The following JAKMIP1 variants were observed in gnomAD, a reference collection of about 807,000 sequenced individuals.
JAKMIP1 encodes janus kinase and microtubule interacting protein 1.
A neutral mutation model predicts 113.0 loss-of-function variants in JAKMIP1; 33 were observed. The observed-to-expected ratio is 0.29, with a 90% CI of 0.22 to 0.39. JAKMIP1 has a LOEUF of 0.39. Among genes scored for constraint, JAKMIP1 ranks in the 10% least tolerant of loss-of-function variants. The pLI, the probability that JAKMIP1 is intolerant of heterozygous loss-of-function variation, is 1.00. For missense variants in JAKMIP1, 813 were observed against 1,080.5 expected (o/e 0.75, Z 3.47); for synonymous variants, 480 against 459.9 (o/e 1.04, Z -0.56).
Position 6,080,259 on chromosome 4 carries a change from G to A in JAKMIP1, c.1155C>T (p.Asp385=). The A allele has an allele frequency of 1.9e-6, 3 of 1,614,222 alleles. No individual in the cohort carries two copies. The highest frequency in any genetic ancestry group is 2.5e-6 in the Non-Finnish European group (3 of 1,180,036). ...CCTGCTCATCCCTCGTCAGGCTGAG[G>A]TCATTCAAGGAGGTATGCCGCTTCA... is the stretch of plus-strand genomic sequence containing the variant. ...ASLKRHTSLN[D]LSLTRDEQEI... The change falls in exon 7 of 21, where the codon GAC becomes GAT. Residue 385 remains aspartate (D), a synonymous_variant. Coordinates refer to ENST00000409021, the MANE Select transcript of JAKMIP1 (RefSeq NM_001099433.2). The surrounding 1 kb of genome is among the most constrained non-coding windows in gnomAD (Gnocchi z 6.0).
chr4:6,177,057 G>A (rs998502344), intron 1 of JAKMIP1, among the ~76,000 whole-genome samples: 1 of 152,018 alleles, frequency 6.6e-6, no homozygotes, highest in African/African-American at 2.4e-5. Flanking sequence ...TTAAATGATC[G>A]GAAAGGTACA....
chr4:6,122,896 T>C (rs1716908246), intron 1 of JAKMIP1, among the ~76,000 whole-genome samples: 1 of 152,222 alleles, frequency 6.6e-6, no homozygotes, highest in African/African-American at 2.4e-5. Context: ...AAAATGAGGC[T>C]AGTAATAATT....
intron 1 of JAKMIP1, among the ~76,000 whole-genome samples, chr4:6,160,743 C>T (rs73075459): frequency 0.069 from 10,561 of 152,164 alleles, 808 homozygotes; most frequent in African/African-American, 0.19. Context: ...GGTCTCCACC[C>T]GTCGTCTGAA....
Position 6,140,789 on chromosome 4 carries a change from G to A in JAKMIP1, c.-147-27792C>T, listed in dbSNP as rs952743128. Among the ~76,000 whole-genome samples, 3 of 152,170 alleles carry A rather than the reference G, an allele frequency of 2.0e-5. No homozygotes were observed. The highest frequency in any genetic ancestry group is 2.0e-4 in the Admixed American group (3 of 15,290). On this transcript the variant is annotated intron_variant, in intron 1 of 20. Coordinates refer to ENST00000409021, the MANE Select transcript of JAKMIP1 (RefSeq NM_001099433.2). The surrounding 1 kb of genome is among the most constrained non-coding windows in gnomAD (Gnocchi z 9.4). Reference sequence around the variant, plus strand: ...TCATCCTTTGGGCAATAAGAAAGATGCAATTAAGTAGGCAATTGTAATAAA... The same window carrying A: ...TCATCCTTTGGGCAATAAGAAAGATACAATTAAGTAGGCAATTGTAATAAA...
intron 1 of JAKMIP1, among the ~76,000 whole-genome samples, chr4:6,196,269 C>T (rs918027106): frequency 6.6e-5 from 10 of 152,158 alleles, no homozygotes; most frequent in East Asian, 1.9e-4. Context: ...TCCCTGCAAG[C>T]GCTCCTGCGT....
At chr4:6,151,766 A>C (rs1217712238) in intron 1 of JAKMIP1, among the ~76,000 whole-genome samples, 1 of 152,256 alleles carries the variant, frequency 6.6e-6, no homozygotes, top group African/African-American at 2.4e-5. Flanking sequence ...ATGGAGTGAG[A>C]CCTTAGGCCA....
At chr4:6,060,548 A>C in intron 10 of JAKMIP1, 41 bp from the exon 11 acceptor site, 8 of 1,426,116 alleles carry the variant, frequency 5.6e-6, no homozygotes, top group Non-Finnish European at 7.9e-6. Flanking sequence ...GTCACCTCCA[A>C]TGGGTGACAG....
chr4:6,168,407 G>A lies in JAKMIP1; in HGVS notation c.-148+31846C>T, dbSNP rs1165536992. Among the ~76,000 whole-genome samples the A allele has an allele frequency of 6.6e-6, 1 of 152,236 alleles. No individual in the cohort carries two copies. The highest frequency in any genetic ancestry group is 1.5e-5 in the Non-Finnish European group (1 of 68,040). On this transcript the variant is annotated intron_variant, in intron 1 of 20. Transcript: ENST00000409021. The surrounding 1 kb of genome is among the most constrained non-coding windows in gnomAD (Gnocchi z 4.6). ...ACAACCCAAATGTGCATCAGTTACA[G>A]ATGGATAAACAAAATGTGGTCTATG... is the stretch of plus-strand genomic sequence containing the variant.
Position 6,126,578 on chromosome 4 carries a change from GCACACACACCATGCAGAAA to G in JAKMIP1, c.-147-13600_-147-13582del, listed in dbSNP as rs1319472560. Among the ~76,000 whole-genome samples the G allele has an allele frequency of 8.0e-4, 81 of 101,592 alleles. No individual in the cohort carries two copies. In the South Asian group the frequency reaches 0.024, roughly 30 times the overall value. 66.6% of individuals were successfully genotyped at this position (101,592 alleles called of 152,430 possible). A position where few individuals can be genotyped will look rare whatever the true frequency, so the allele number is the denominator to read the frequency against. On this transcript the variant is annotated intron_variant, in intron 1 of 20. Coordinates refer to ENST00000409021, the MANE Select transcript of JAKMIP1 (RefSeq NM_001099433.2). ...ACACACCATGCAGAAACACTCACAC[GCACACACACCATGCAGAAA>G]CACACACACCATGCAGAAACACACA...
intron 1 of JAKMIP1, among the ~76,000 whole-genome samples, chr4:6,165,187 C>T (rs1343410553): frequency 6.6e-6 from 1 of 152,224 alleles, no homozygotes; most frequent in African/African-American, 2.4e-5. Flanking sequence ...GATCAGTCAA[C>T]AGCCATTAAC....
At position 6,062,337 on chromosome 4, in the gene JAKMIP1, G is replaced by A. The variant is rs767418893; in HGVS notation, c.1535C>T (p.Thr512Met). Reference sequence around the variant, plus strand: ...CCGGGCCTCCCTCTCAGCGTCCAGCGTGCCTCCCACCTGCTCCTGGAGCAG... The same window carrying A: ...CCGGGCCTCCCTCTCAGCGTCCAGCATGCCTCCCACCTGCTCCTGGAGCAG... ...YALLQEQVGG[T>M]LDAEREARTR... Residue 512 changes from threonine (T) to methionine (M), a missense_variant, in exon 10 of 21, where the codon ACG becomes ATG. Around this residue, in one of 2 missense-constraint regions of JAKMIP1, gnomAD observed 273 missense variants for 426.6 expected, o/e 0.64. Coordinates refer to ENST00000409021, the MANE Select transcript of JAKMIP1 (RefSeq NM_001099433.2). 2.5e-5 allele frequency: 41 copies of A among 1,613,194 alleles called. No individual in the cohort carries two copies. Among genetic ancestry groups the A allele is most frequent in the Middle Eastern group, 3.5e-4 (2 of 5,782 alleles).
intron 20 of JAKMIP1, among the ~76,000 whole-genome samples, chr4:6,028,584 C>T (rs1712168224): frequency 6.6e-6 from 1 of 152,190 alleles, no homozygotes; most frequent in South Asian, 2.1e-4. Context: ...TTTGGACAGC[C>T]CTGGAATCTG....
In JAKMIP1 at chr4:6,051,182, G is replaced by A. The variant is rs1172762822; in HGVS notation, c.1807-503C>T. Among the ~76,000 whole-genome samples, 3 of 152,130 alleles carry A rather than the reference G, an allele frequency of 2.0e-5. No individual in the cohort carries two copies. The highest frequency in any genetic ancestry group is 1.9e-4 in the East Asian group (1 of 5,172). ...TGAGGTCCCACGCTAGCAAGCGGCAGGGCCAGGACCCCAAAGGCTGACTTT... is the reference window on the plus strand; with the variant it reads ...TGAGGTCCCACGCTAGCAAGCGGCAAGGCCAGGACCCCAAAGGCTGACTTT... On this transcript the variant is annotated intron_variant, in intron 13 of 20. Coordinates refer to ENST00000409021, the MANE Select transcript of JAKMIP1 (RefSeq NM_001099433.2). The surrounding 1 kb of genome is among the most constrained non-coding windows in gnomAD (Gnocchi z 5.0).
rs1718368326 is a variant in JAKMIP1 at position 6,067,750 on chromosome 4, G to GCACACA, written c.1303-2743_1303-2742insTGTGTG. ...CGTTCACTCAAGCTCTTCTGCACAC[G>GCACACA]CAGGTCACCCCCCTGAGCTCCACGT... On this transcript the variant is annotated intron_variant, in intron 8 of 20. Coordinates refer to ENST00000409021, the MANE Select transcript of JAKMIP1 (RefSeq NM_001099433.2). This position sits in a 1 kb window ranked among gnomAD's most constrained non-coding sequence, Gnocchi z 4.6. Among the ~76,000 whole-genome samples the GCACACA allele has an allele frequency of 4.2e-5, 3 of 71,464 alleles. No homozygotes were observed. The highest frequency in any genetic ancestry group is 2.8e-4 in the Admixed American group (2 of 7,262). The allele number at this position is 71,464 out of a possible 152,430, so 46.9% of individuals were successfully genotyped here. A position where few individuals can be genotyped will look rare whatever the true frequency, so the allele number is the denominator to read the frequency against.
chr4:6,182,128 G>C (rs534238176), intron 1 of JAKMIP1, among the ~76,000 whole-genome samples: 36 of 152,238 alleles, frequency 2.4e-4, no homozygotes, highest in Non-Finnish European at 4.9e-4. Flanking sequence ...AGAAGGGACA[G>C]GAAACCAGGC....
chr4:6,102,590 A>AT (rs1379135301), intron 3 of JAKMIP1, among the ~76,000 whole-genome samples: 2 of 152,068 alleles, frequency 1.3e-5, no homozygotes, highest in African/African-American at 4.8e-5. Flanking sequence ...TTTCTATTAT[A>AT]TATAAGTTAC....
At chr4:6,046,383 C>G (rs755491263) in intron 16 of JAKMIP1, among the ~76,000 whole-genome samples, 2 of 152,242 alleles carry the variant, frequency 1.3e-5, no homozygotes, top group Non-Finnish European at 2.9e-5. Flanking sequence ...TGAGAAAACT[C>G]TGGTTTAAGT....
At position 6,187,389 on chromosome 4, in the gene JAKMIP1, G is replaced by A. The variant is rs560110661; in HGVS notation, c.-148+12864C>T. ...ATCTATTTGTATCCTTGAATCTAAA[G>A]TGTGTCTCCTATAGACAGTGCTATG... On this transcript the variant is annotated intron_variant, in intron 1 of 20. Transcript: ENST00000409021. The surrounding 1 kb of genome is among the most constrained non-coding windows in gnomAD (Gnocchi z 4.2). Among the ~76,000 whole-genome samples, 2 of 152,260 alleles carry A rather than the reference G, an allele frequency of 1.3e-5. No homozygotes were observed. Among genetic ancestry groups the A allele is most frequent in the South Asian group, 4.2e-4 (2 of 4,816 alleles).
At position 6,108,321 on chromosome 4, in the gene JAKMIP1, G is replaced by A. The variant is rs929749599; in HGVS notation, c.130-2354C>T. On this transcript the variant is annotated intron_variant, in intron 2 of 20. Coordinates refer to ENST00000409021, the MANE Select transcript of JAKMIP1 (RefSeq NM_001099433.2). This position sits in a 1 kb window ranked among gnomAD's most constrained non-coding sequence, Gnocchi z 5.6. The stretch of plus-strand genomic sequence containing the variant: ...CCAGCTGAGCAGGCCAAAAAAAGCC[G>A]CCCAGCACTTTACCTCCAGGTGCCT... Among the ~76,000 whole-genome samples the A allele has an allele frequency of 2.6e-5, 4 of 152,050 alleles. No homozygotes were observed. The highest frequency in any genetic ancestry group is 6.5e-5 in the Admixed American group (1 of 15,276).
Sources: allele counts gnomAD v4.1 joint callset (sites outside exome capture counted in the v4.1 genomes callset), GRCh38; gene constraint gnomAD v4.1.1; regional missense constraint gnomAD v4.1.1; non-coding constraint Gnocchi (gnomAD v3.1); transcripts MANE v1.5; gene names NCBI Gene and HGNC (gene_info 2026-07-23, HGNC 2026-07-21).